Variants in LDLRAD4 observed in about 807,000 individuals in gnomAD.
The protein encoded by LDLRAD4 is low-density lipoprotein receptor class A domain-containing protein 4.
LDLRAD4 carries 5 observed loss-of-function variants against 17.0 expected under a neutral mutation model. The observed-to-expected ratio is 0.29, with a 90% CI of 0.15 to 0.62. The LOEUF (loss-of-function observed/expected upper bound fraction) is 0.62, where lower values mean the gene tolerates loss of function less well. Among genes scored for constraint, LDLRAD4 ranks in the 20% least tolerant of loss-of-function variants. The probability of loss-of-function intolerance (pLI) is 0.84; values close to 1 mark genes in which losing one functional copy is unlikely to be tolerated. For missense variants in LDLRAD4, 340 were observed against 424.7 expected (o/e 0.80, Z 1.75); for synonymous variants, 168 against 171.8 (o/e 0.98, Z 0.17).
At chr18:13,396,590 C>A (rs551114414) in intron 2 of LDLRAD4, among the ~76,000 whole-genome samples, 6 of 152,256 alleles carry the variant, frequency 3.9e-5, no homozygotes, top group African/African-American at 1.4e-4. Flanking sequence ...CTCAAGTGAT[C>A]CTCCCGTCTT....
chr18:13,611,569 G>C (rs2148716950), intron 3 of LDLRAD4: 2 of 985,388 alleles, frequency 2.0e-6, no homozygotes, highest in Middle Eastern at 1.0e-3. Flanking sequence ...AAATGAACCA[G>C]GAGAAAGCGC....
chr18:13,381,904 G>T (rs2085396126), intron 1 of LDLRAD4, among the ~76,000 whole-genome samples: 1 of 152,118 alleles, frequency 6.6e-6, no homozygotes, highest in Admixed American at 6.5e-5. Context: ...TTGCAGCAGA[G>T]CCCCAGTTTG....
At chr18:13,404,775 G>A (rs146618654) in intron 2 of LDLRAD4, among the ~76,000 whole-genome samples, 195 of 151,650 alleles carry the variant, frequency 1.3e-3, no homozygotes, top group African/African-American at 4.5e-3. Context: ...TCCAGCCTGG[G>A]CGACTGAGCG....
intron 3 of LDLRAD4, among the ~76,000 whole-genome samples, chr18:13,548,417 G>A (rs191210642): frequency 2.1e-4 from 32 of 152,350 alleles, no homozygotes; most frequent in Middle Eastern, 3.4e-3. Context: ...GCCACTTTCA[G>A]CACCCCCTTG....
At chr18:13,640,456 T>C (rs1471529032) in intron 4 of LDLRAD4, among the ~76,000 whole-genome samples, 1 of 152,140 alleles carries the variant, frequency 6.6e-6, no homozygotes, top group African/African-American at 2.4e-5. Context: ...CTGGCAGATG[T>C]CCCAAGGCAG....
intron 4 of LDLRAD4, among the ~76,000 whole-genome samples, chr18:13,641,468 A>G (rs373725778): frequency 1.7e-4 from 26 of 152,384 alleles, no homozygotes; most frequent in African/African-American, 6.0e-4. Flanking sequence ...AGATAGATGG[A>G]TCCATCGATT....
At chr18:13,404,586 A>T (rs2087546185) in intron 2 of LDLRAD4, among the ~76,000 whole-genome samples, 1 of 152,182 alleles carries the variant, frequency 6.6e-6, no homozygotes, top group Admixed American at 6.5e-5. Flanking sequence ...TCACGAGGTC[A>T]GGAGATCGAG....
intron 3 of LDLRAD4, among the ~76,000 whole-genome samples, chr18:13,554,521 T>C (rs751233553): frequency 6.6e-6 from 1 of 152,198 alleles, no homozygotes; most frequent in Non-Finnish European, 1.5e-5. Flanking sequence ...GTGTTGCATG[T>C]GTAGACGGCA....
intron 3 of LDLRAD4, among the ~76,000 whole-genome samples, chr18:13,617,038 G>A (rs944482668): frequency 2.2e-4 from 33 of 152,186 alleles, no homozygotes; most frequent in Non-Finnish European, 4.3e-4. Context: ...AGGGCAGGGC[G>A]GTACCTGTGT....
intron 1 of LDLRAD4, among the ~76,000 whole-genome samples, chr18:13,317,729 T>A (rs1279226514): frequency 1.3e-5 from 2 of 152,230 alleles, no homozygotes; most frequent in Non-Finnish European, 2.9e-5. Flanking sequence ...ATGTTTATAT[T>A]CATATAGAGA....
At chr18:13,500,187 A>T (rs2093588466) in intron 3 of LDLRAD4, among the ~76,000 whole-genome samples, 1 of 152,172 alleles carries the variant, frequency 6.6e-6, no homozygotes, top group Admixed American at 6.5e-5. Flanking sequence ...AACCTCATGG[A>T]GTCACTGTGC....
At chr18:13,496,243 T>G (rs1298535569) in intron 3 of LDLRAD4, among the ~76,000 whole-genome samples, 1 of 152,202 alleles carries the variant, frequency 6.6e-6, no homozygotes, top group Non-Finnish European at 1.5e-5. Context: ...TTCAGGAAGA[T>G]GGTGGAGTCT....
At chr18:13,584,589 G>A (rs2094910126) in intron 3 of LDLRAD4, among the ~76,000 whole-genome samples, 1 of 152,198 alleles carries the variant, frequency 6.6e-6, no homozygotes, top group African/African-American at 2.4e-5. Context: ...GGATGGCTCG[G>A]TGGAGGGATG....
chr18:13,537,358 C>T (rs537411152), intron 3 of LDLRAD4, among the ~76,000 whole-genome samples: 20 of 152,240 alleles, frequency 1.3e-4, no homozygotes, highest in African/African-American at 4.8e-4. Flanking sequence ...CAAGTTTTTC[C>T]ATGGACTGAG....
At chr18:13,534,428 T>C (rs970114364) in intron 3 of LDLRAD4, among the ~76,000 whole-genome samples, 2 of 152,238 alleles carry the variant, frequency 1.3e-5, no homozygotes, top group African/African-American at 4.8e-5. Context: ...TTAACCTAAC[T>C]GAATGAGTTG....
intron 3 of LDLRAD4, among the ~76,000 whole-genome samples, chr18:13,566,286 G>T (rs112625979): frequency 3.8e-4 from 58 of 152,246 alleles, no homozygotes; most frequent in African/African-American, 1.4e-3. Context: ...AGTCTGTCCT[G>T]GAGGAGAAGC....
At chr18:13,524,964 T>C (rs146687032) in intron 3 of LDLRAD4, among the ~76,000 whole-genome samples, 3 of 152,390 alleles carry the variant, frequency 2.0e-5, no homozygotes, top group East Asian at 3.9e-4. Flanking sequence ...AAGCTGCTTA[T>C]ATCTTCACTG....
chr18:13,487,878 T>C (rs2147057449), intron 3 of LDLRAD4: 1 of 151,600 alleles, frequency 6.6e-6, no homozygotes, highest in Middle Eastern at 3.3e-3. Flanking sequence ...CATGGACACA[T>C]AGGCAGGAGG....
intron 4 of LDLRAD4, among the ~76,000 whole-genome samples, chr18:13,635,722 C>G (rs2042017541): frequency 6.6e-6 from 1 of 152,240 alleles, no homozygotes; most frequent in African/African-American, 2.4e-5. Flanking sequence ...TGGAACCGTT[C>G]TGCGTCCCTT....
Sources: gnomAD v4.1 joint callset for allele counts (sites outside exome capture counted in the v4.1 genomes callset) on GRCh38, gnomAD v4.1.1 for gene constraint, MANE v1.5 for transcripts, NCBI Gene and HGNC (gene_info 2026-07-23, HGNC 2026-07-21) for gene names.